BMP5: variants seen among roughly 807,000 people sequenced by gnomAD.
BMP5 encodes bone morphogenetic protein 5.
A neutral mutation model predicts 46.6 loss-of-function variants in BMP5; 23 were observed. The observed-to-expected ratio is 0.49, with a 90% CI of 0.35 to 0.70. The LOEUF (loss-of-function observed/expected upper bound fraction) is 0.70. BMP5 is among the 30% of genes least tolerant of loss of function. BMP5 has a pLI of 0.00. For synonymous variants in BMP5, 204 were observed against 191.9 expected, an observed-to-expected ratio of 1.06 and a Z score of -0.52; for missense variants, 545 against 565.6, an observed-to-expected ratio of 0.96 and a Z score of 0.37.
chr6:55,759,061 A>G lies in BMP5; in HGVS notation c.1159T>C (p.Ser387Pro). 3.8e-6 allele frequency: 6 copies of G among 1,597,290 alleles called. No individual in the cohort carries two copies. Among genetic ancestry groups the G allele is most frequent in the Non-Finnish European group, 5.1e-6 (6 of 1,170,616 alleles). The stretch of plus-strand genomic sequence containing the variant: ...TTCATATGGGCGTTAAGTGGAAAAG[A>G]ACATTCTCCATCACAATAAAATGCA... ...YAAFYCDGEC[S>P]FPLNAHMNAT... Residue 387 changes from serine to proline, a missense_variant, in exon 6 of 7, where the codon TCT becomes CCT. By Grantham distance (74) the Ser-to-Pro change is moderately conservative. Coordinates refer to ENST00000370830, the MANE Select transcript of BMP5 (RefSeq NM_021073.4).
chr6:55,783,659 AT>A (rs1775379271), intron 3 of BMP5, among the ~76,000 whole-genome samples: 2 of 152,058 alleles, frequency 1.3e-5, no homozygotes, highest in Non-Finnish European at 2.9e-5. Context: ...AATAAGTAGT[AT>A]TTTATATTTT....
In BMP5 at chr6:55,824,147, T is replaced by C. The variant is rs146972179; in HGVS notation, c.491-4300A>G. ...TTAAATGTCAGCTTTTTAAGAAAGA[T>C]CTTTGTCTTATTCACATTGTGACAA... is the stretch of plus-strand genomic sequence containing the variant. On this transcript the variant is annotated intron_variant, in intron 1 of 6. Coordinates refer to ENST00000370830, the MANE Select transcript of BMP5 (RefSeq NM_021073.4). Among the ~76,000 whole-genome samples the C allele has an allele frequency of 4.3e-3, 648 of 152,108 alleles. 2 individuals carry two copies. The highest frequency in any genetic ancestry group is 0.013 in the Admixed American group (198 of 15,242).
chr6:55,779,171 C>T (rs1775248002), intron 3 of BMP5, among the ~76,000 whole-genome samples: 4 of 152,004 alleles, frequency 2.6e-5, no homozygotes, highest in Admixed American at 6.6e-5. Context: ...CATTGAGTTT[C>T]CCTCTAGGAT....
intron 4 of BMP5, among the ~76,000 whole-genome samples, chr6:55,764,149 A>G (rs1189602317): frequency 6.6e-6 from 1 of 152,256 alleles, no homozygotes; most frequent in Non-Finnish European, 1.5e-5. Context: ...TAAGTTGAAG[A>G]TACATCTGCA....
Position 55,817,732 on chromosome 6 carries a change from C to T in BMP5, c.683+1923G>A, listed in dbSNP as rs189103073. On this transcript the variant is annotated intron_variant, in intron 2 of 6. Transcript: ENST00000370830. ...AACCTGCACATTGTGCATATGTACC[C>T]TAAAACTTAAAGTATAATAATAATA... is the stretch of plus-strand genomic sequence containing the variant. Among the ~76,000 whole-genome samples the T allele has an allele frequency of 3.3e-3, 499 of 151,932 alleles. 3 individuals carry two copies. Among genetic ancestry groups the T allele is most frequent in the African/African-American group, 0.012 (477 of 41,394 alleles).
rs371208006 is a variant in BMP5 at position 55,789,958 on chromosome 6, A to G, written c.832+4321T>C. Among the ~76,000 whole-genome samples, 12 of 152,168 alleles carry G rather than the reference A, an allele frequency of 7.9e-5. No individual in the cohort carries two copies. In the South Asian group the frequency reaches 2.5e-3, roughly 32 times the overall value. The stretch of plus-strand genomic sequence containing the variant: ...GTCAAATTTCTAAAAAGAGTATTTC[A>G]TAAACTGACATAATTTCCACAGGCT... On this transcript the variant is annotated intron_variant, in intron 3 of 6. Transcript: ENST00000370830.
intron 1 of BMP5, among the ~76,000 whole-genome samples, chr6:55,852,691 C>G (rs1453951980): frequency 6.6e-6 from 1 of 152,104 alleles, no homozygotes; most frequent in Non-Finnish European, 1.5e-5. Context: ...CAACTGTATA[C>G]AGTTAAAACT....
intron 1 of BMP5, among the ~76,000 whole-genome samples, chr6:55,856,846 A>C (rs570349597): frequency 6.6e-6 from 1 of 152,096 alleles, no homozygotes; most frequent in African/African-American, 2.4e-5. Context: ...TTAAGTACAA[A>C]ATTATTTTAC....
intron 1 of BMP5, among the ~76,000 whole-genome samples, chr6:55,859,967 T>G (rs1345591781): frequency 3.9e-5 from 6 of 152,224 alleles, no homozygotes; most frequent in Non-Finnish European, 5.9e-5. Context: ...CCACAAAATT[T>G]CAGACAACAC....
intron 1 of BMP5, among the ~76,000 whole-genome samples, chr6:55,837,334 T>TG: frequency 1.2e-5 from 1 of 84,568 alleles, no homozygotes; most frequent in East Asian, 3.1e-4. Flanking sequence ...ATAAAACTAA[T>TG]TTAGATAGAT....
chr6:55,756,128 T>C (rs186224341), intron 6 of BMP5, among the ~76,000 whole-genome samples: 2 of 152,042 alleles, frequency 1.3e-5, no homozygotes, highest in African/African-American at 2.4e-5. Flanking sequence ...AATTAAGCAA[T>C]AAATCATACA....
intron 3 of BMP5, among the ~76,000 whole-genome samples, chr6:55,786,211 T>C (rs1248596676): frequency 2.0e-5 from 3 of 151,772 alleles, no homozygotes; most frequent in Non-Finnish European, 4.4e-5. Context: ...TGCATTTCCA[T>C]TCACTGTACC....
At chr6:55,865,326 C>A in intron 1 of BMP5, 1 of 428,574 alleles carries the variant, frequency 2.3e-6, no homozygotes, top group East Asian at 7.0e-5. Flanking sequence ...AATTAGTTTC[C>A]CCTCCTTAAC....
intron 1 of BMP5, among the ~76,000 whole-genome samples, chr6:55,873,428 C>T (rs1317366611): frequency 6.6e-6 from 1 of 151,660 alleles, no homozygotes; most frequent in Non-Finnish European, 1.5e-5. Flanking sequence ...CCTTTGACTG[C>T]CAGAGATAGT....
Position 55,863,706 on chromosome 6 carries a change from G to A in BMP5, c.490+10670C>T, listed in dbSNP as rs116217327. On this transcript the variant is annotated intron_variant, in intron 1 of 6. Coordinates refer to ENST00000370830, the MANE Select transcript of BMP5 (RefSeq NM_021073.4). ...AACACTGGTCTCATAAGATTATAAT[G>A]GAGCTCAAAAATTCCTATCATCTAG... Among the ~76,000 whole-genome samples, 906 of 152,206 alleles carry A rather than the reference G, an allele frequency of 6.0e-3. 6 individuals carry two copies. Among genetic ancestry groups the A allele is most frequent in the African/African-American group, 0.021 (853 of 41,512 alleles).
At chr6:55,786,266 AG>A (rs1051097953) in intron 3 of BMP5, among the ~76,000 whole-genome samples, 6 of 151,802 alleles carry the variant, frequency 4.0e-5, no homozygotes, top group African/African-American at 1.2e-4. Context: ...TAATGCTTAA[AG>A]TATAAATATA....
At chr6:55,756,177 A>C (rs1012252431) in intron 6 of BMP5, among the ~76,000 whole-genome samples, 4 of 152,024 alleles carry the variant, frequency 2.6e-5, no homozygotes, top group Non-Finnish European at 2.9e-5. Flanking sequence ...TAAAAGAAGC[A>C]TAAAAATCAT....
chr6:55,849,613 T>C (rs1185865763), intron 1 of BMP5, among the ~76,000 whole-genome samples: 3 of 151,816 alleles, frequency 2.0e-5, no homozygotes, highest in Non-Finnish European at 4.4e-5. Flanking sequence ...TTAGGAAAAA[T>C]GTAAAAGGGC....
chr6:55,791,965 T>C (rs1775581220), intron 3 of BMP5, among the ~76,000 whole-genome samples: 1 of 152,170 alleles, frequency 6.6e-6, no homozygotes, highest in African/African-American at 2.4e-5. Context: ...TGACGATAAA[T>C]GTACAGTAGC....
Sources: allele counts gnomAD v4.1 joint callset (sites outside exome capture counted in the v4.1 genomes callset), GRCh38; gene constraint gnomAD v4.1.1; transcripts MANE v1.5; gene names NCBI Gene and HGNC (gene_info 2026-07-23, HGNC 2026-07-21).